PPP1R17: variants seen among roughly 807,000 people sequenced by gnomAD.
The protein encoded by PPP1R17 is G-substrate.
In PPP1R17, 12 loss-of-function variants were observed where a neutral mutation model predicts 15.9. The ratio of observed to expected loss-of-function variants is 0.75; its 90% CI spans 0.48 to 1.22. The LOEUF (loss-of-function observed/expected upper bound fraction) is 1.22, where lower values mean the gene tolerates loss of function less well. Ranked by LOEUF, PPP1R17 falls within the 50% of genes most tolerant of loss-of-function variation. The pLI is 0.00. For synonymous variants in PPP1R17, 63 were observed against 64.5 expected (o/e 0.98, Z 0.11); for missense variants, 211 against 187.3 (o/e 1.13, Z -0.74).
intron 4 of PPP1R17, among the ~76,000 whole-genome samples, chr7:31,704,849 C>A (rs1225099032): frequency 6.6e-6 from 1 of 152,116 alleles, no homozygotes; most frequent in Non-Finnish European, 1.5e-5. Context: ...TCTGCTTCCC[C>A]TGAAAGCATG....
At position 31,697,015 on chromosome 7, in the gene PPP1R17, C is replaced by A; in HGVS notation, c.286C>A (p.Pro96Thr). ...IKRYDVQERHPKGKMIPVLHN... is the reference protein window; with the variant it reads ...IKRYDVQERHTKGKMIPVLHN... ...AAGATACGATGTTCAAGAGAGACAT[C>A]CAAAGGGCAAAATGATCCCTGTTCT... Residue 96 changes from proline (P) to threonine (T), a missense_variant, in exon 4 of 5, where the codon CCA (proline) becomes ACA (threonine). Physicochemically the swap from Pro to Thr is conservative, Grantham distance 38. Transcript: ENST00000342032. 1 of 1,614,136 alleles carries A rather than the reference C, an allele frequency of 6.2e-7. No individual in the cohort carries two copies.
chr7:31,700,329 C>T (rs1014637716), intron 4 of PPP1R17, among the ~76,000 whole-genome samples: 5 of 152,164 alleles, frequency 3.3e-5, no homozygotes, highest in African/African-American at 1.2e-4. Flanking sequence ...CCAGCCATAA[C>T]CCTTCCTTAA....
At chr7:31,703,311 A>G (rs1185303527) in intron 4 of PPP1R17, among the ~76,000 whole-genome samples, 1 of 152,252 alleles carries the variant, frequency 6.6e-6, no homozygotes, top group African/African-American at 2.4e-5. Context: ...TTCAAGGAAC[A>G]GCCTAACGGG....
chr7:31,690,629 A>C (rs1287919147), intron 1 of PPP1R17, among the ~76,000 whole-genome samples: 1 of 152,234 alleles, frequency 6.6e-6, no homozygotes, highest in South Asian at 2.1e-4. Context: ...TATTTGACTC[A>C]AGAATCCAGA....
chr7:31,703,720 G>T (rs1406453660), intron 4 of PPP1R17, among the ~76,000 whole-genome samples: 1 of 152,174 alleles, frequency 6.6e-6, no homozygotes, highest in South Asian at 2.1e-4. Flanking sequence ...AGAGAAACTC[G>T]CAGACAAATA....
intron 4 of PPP1R17, among the ~76,000 whole-genome samples, chr7:31,698,217 G>C (rs1792691479): frequency 6.6e-6 from 1 of 152,082 alleles, no homozygotes; most frequent in African/African-American, 2.4e-5. Flanking sequence ...GAAAAAAATT[G>C]AAAAAACAGC....
intron 3 of PPP1R17, chr7:31,695,909 C>T (rs758232957): frequency 3.1e-5 from 7 of 229,038 alleles, no homozygotes; most frequent in Non-Finnish European, 5.1e-5. Flanking sequence ...GACCCGGTCT[C>T]ATGTGTTTTG....
At chr7:31,702,232 G>C (rs1342008117) in intron 4 of PPP1R17, among the ~76,000 whole-genome samples, 2 of 150,438 alleles carry the variant, frequency 1.3e-5, no homozygotes, top group Non-Finnish European at 2.9e-5. Flanking sequence ...TCTACCAATA[G>C]ATTGTTGTTC....
intron 4 of PPP1R17, among the ~76,000 whole-genome samples, 200 bp downstream of exon 4, chr7:31,697,317 T>G (rs1413580911): frequency 6.6e-6 from 1 of 152,072 alleles, no homozygotes; most frequent in Non-Finnish European, 1.5e-5. Context: ...GATGTGGGGA[T>G]GGGAAAGGGT....
rs369470107 is a variant in PPP1R17 at position 31,692,513 on chromosome 7, C to T, written c.72C>T (p.Cys24=). Residue 24 remains cysteine, a synonymous_variant, in exon 2 of 5, where the codon TGC becomes TGT. Coordinates refer to ENST00000342032, the MANE Select transcript of PPP1R17 (RefSeq NM_006658.5). Reference sequence around the variant, plus strand: ...GACTGGACAAGCTAGACCCTCGTTGCAGCCACTTAGGTAAACAAATGATCG... The same window carrying T: ...GACTGGACAAGCTAGACCCTCGTTGTAGCCACTTAGGTAAACAAATGATCG... ...EDRLDKLDPR[C]SHLDDLSDQF... The T allele has an allele frequency of 4.2e-5, 67 of 1,602,738 alleles. No homozygotes were observed. Among genetic ancestry groups the T allele is most frequent in the East Asian group, 6.7e-5 (3 of 44,786 alleles).
rs1397378559 is a variant in PPP1R17, at chr7:31,696,966, T to A, written c.237T>A (p.Gly79=). Residue 79 remains glycine, a splice_region_variant and synonymous_variant, in exon 4 of 5, where the codon GGT becomes GGA. Transcript: ENST00000342032. The part of the protein sequence containing the change: ...PALHIPPFIP[G]VFSEHLIKRY... ...CTCTGTGTTCCCCTAACCATGCAGGTGTGTTTTCAGAACATTTAATTAAAA... is the reference window on the plus strand; with the variant it reads ...CTCTGTGTTCCCCTAACCATGCAGGAGTGTTTTCAGAACATTTAATTAAAA... The A allele has an allele frequency of 6.2e-7, 1 of 1,614,008 alleles. No individual in the cohort carries two copies. Among genetic ancestry groups the A allele is most frequent in the Non-Finnish European group, 8.5e-7 (1 of 1,179,922 alleles).
intron 2 of PPP1R17, among the ~76,000 whole-genome samples, chr7:31,695,119 T>C (rs906332978): frequency 1.3e-5 from 2 of 149,084 alleles, no homozygotes; most frequent in Non-Finnish European, 3.0e-5. Flanking sequence ...GCAAAAAGAA[T>C]GGAGGCGCGT....
chr7:31,695,825 GTT>G lies in PPP1R17; in HGVS notation c.235+206_235+207del, dbSNP rs1417998199. The G allele has an allele frequency of 6.1e-5, 25 of 407,058 alleles. No individual in the cohort carries two copies. The African/African-American group carries it at 6.9e-4, about 11-fold the overall frequency. The allele number at this position is 407,058 out of a possible 1,614,324, so 25.2% of individuals were successfully genotyped here. ...ATATTAGGGGCTTAATACAATAAAA[GTT>G]TATTTTTTTTACCTACCAATAGTGA... On this transcript the variant is annotated intron_variant, in intron 3 of 4. Coordinates refer to ENST00000342032, the MANE Select transcript of PPP1R17 (RefSeq NM_006658.5).
chr7:31,690,805 A>C (rs1395722516), intron 1 of PPP1R17, among the ~76,000 whole-genome samples: 1 of 152,154 alleles, frequency 6.6e-6, no homozygotes, highest in African/African-American at 2.4e-5. Flanking sequence ...TCTGATTCTA[A>C]GTGTTTTACT....
chr7:31,694,380 T>TCAAACACACACACACACA (rs1250440023), intron 2 of PPP1R17, among the ~76,000 whole-genome samples: 134 of 109,200 alleles, frequency 1.2e-3, no homozygotes, highest in African/African-American at 4.9e-3. Context: ...TCTCTCTCTC[T>TCAAACACACACACACACA]CTCTCAAACA....
chr7:31,688,454 G>A (rs1402761119), intron 1 of PPP1R17, among the ~76,000 whole-genome samples: 2 of 152,230 alleles, frequency 1.3e-5, no homozygotes, highest in Non-Finnish European at 2.9e-5. Flanking sequence ...ATCCAGACCA[G>A]CTTCTGACCA....
chr7:31,697,246 G>A, intron 4 of PPP1R17, 129 bp downstream of exon 4: 1 of 1,167,220 alleles, frequency 8.6e-7, no homozygotes, highest in Non-Finnish European at 1.2e-6. Context: ...AGTGCTCTGG[G>A]GAGAAGCCAC....
At chr7:31,701,091 T>C (rs940639989) in intron 4 of PPP1R17, among the ~76,000 whole-genome samples, 1 of 152,236 alleles carries the variant, frequency 6.6e-6, no homozygotes, top group African/African-American at 2.4e-5. Context: ...ATACATGTTT[T>C]GCAAACCTAG....
rs1167332143 is a variant in PPP1R17 at position 31,707,553 on chromosome 7, G to C, written c.*270G>C. ...GATCATCCTAAATGAGGAGGTAACA[G>C]GGAAAGCACTGGGGTTCGGTTTCTG... On this transcript the variant is annotated 3_prime_UTR_variant, in exon 5 of 5. Coordinates refer to ENST00000342032, the MANE Select transcript of PPP1R17 (RefSeq NM_006658.5). 2.5e-6 allele frequency: 1 copy of C among 394,890 alleles called. No homozygotes were observed. The highest frequency in any genetic ancestry group is 4.5e-6 in the Non-Finnish European group (1 of 221,242). The allele number at this position is 394,890 out of a possible 1,614,324, so 24.5% of individuals were successfully genotyped here.
Sources: allele counts gnomAD v4.1 joint callset (sites outside exome capture counted in the v4.1 genomes callset), GRCh38; gene constraint gnomAD v4.1.1; transcripts MANE v1.5; gene names NCBI Gene and HGNC (gene_info 2026-07-23, HGNC 2026-07-21).